Variants in WRNIP1 observed in about 807,000 individuals in gnomAD.
WRNIP1 encodes ATPase WRNIP1.
A neutral mutation model predicts 56.1 loss-of-function variants in WRNIP1; 41 were observed. That is an observed-to-expected ratio of 0.73 (90% confidence interval 0.57 to 0.95). WRNIP1 has a LOEUF of 0.95. WRNIP1 is among the 40% of genes least tolerant of loss of function. The pLI is 0.00. For synonymous variants in WRNIP1, 547 were observed against 398.1 expected (o/e 1.37, Z -4.45); for missense variants, 1,170 against 939.4 (o/e 1.25, Z -3.21).
In WRNIP1 at chr6:2,765,541, G is replaced by A; in HGVS notation, c.-82G>A. Reference sequence around the variant, plus strand: ...CCGAGCGAGGGTCTCGCGGCGCGGGGCCTAGCGGAGGGCATCGAAGGCCTC... The same window carrying A: ...CCGAGCGAGGGTCTCGCGGCGCGGGACCTAGCGGAGGGCATCGAAGGCCTC... On this transcript the variant is annotated 5_prime_UTR_variant, in exon 1 of 7. Coordinates refer to ENST00000380773, the MANE Select transcript of WRNIP1 (RefSeq NM_020135.3). 3.0e-6 allele frequency: 4 copies of A among 1,349,262 alleles called. No individual in the cohort carries two copies. The highest frequency in any genetic ancestry group is 2.8e-6 in the Non-Finnish European group (3 of 1,058,310). The allele number at this position is 1,349,262 out of a possible 1,614,324, so 83.6% of individuals were successfully genotyped here. A position where few individuals can be genotyped will look rare whatever the true frequency, so the allele number is the denominator to read the frequency against.
chr6:2,765,923 G>A lies in WRNIP1; in HGVS notation c.301G>A (p.Asp101Asn), dbSNP rs1397279806. Residue 101 changes from aspartate (D) to asparagine (N), a missense_variant, in exon 1 of 7, where the codon GAC (aspartate) becomes AAC (asparagine). By Grantham distance (23) the Asp-to-Asn change is conservative. Coordinates refer to ENST00000380773, the MANE Select transcript of WRNIP1 (RefSeq NM_020135.3). ...CGAGGGCGAGGGTGAGGAGGGCGACGACGGCGGCGAGACCGAGAGCCGCGA... is the reference window on the plus strand; with the variant it reads ...CGAGGGCGAGGGTGAGGAGGGCGACAACGGCGGCGAGACCGAGAGCCGCGA... ...SSEGEGEEGD[D>N]GGETESRESY... 1.7e-5 allele frequency: 25 copies of A among 1,452,724 alleles called. No individual in the cohort carries two copies. The highest frequency in any genetic ancestry group is 2.3e-5 in the Non-Finnish European group (25 of 1,103,944). The allele number at this position is 1,452,724 out of a possible 1,614,324, so 90.0% of individuals were successfully genotyped here.
chr6:2,781,566 G>T (rs17135709), intron 4 of WRNIP1, among the ~76,000 whole-genome samples: 19,624 of 152,162 alleles, frequency 0.13, 1,594 homozygotes, highest in East Asian at 0.32. Context: ...GATTATTTTT[G>T]TATATGCCAC....
At chr6:2,780,063 G>A (rs1210672538) in intron 4 of WRNIP1, among the ~76,000 whole-genome samples, 1 of 152,194 alleles carries the variant, frequency 6.6e-6, no homozygotes, top group Non-Finnish European at 1.5e-5. Context: ...TTTGATACCA[G>A]CTCTTATTAA....
At chr6:2,781,264 G>C in intron 4 of WRNIP1, among the ~76,000 whole-genome samples, 1 of 152,186 alleles carries the variant, frequency 6.6e-6, no homozygotes, top group East Asian at 1.9e-4. Context: ...TTGGAGCTGG[G>C]GGGTGGTGGA....
chr6:2,773,521 G>T (rs3757086), intron 3 of WRNIP1: 1 of 985,080 alleles, frequency 1.0e-6, no homozygotes, highest in African/African-American at 1.7e-5. Context: ...TGGCTAAGCA[G>T]TAGTGTTCAG....
intron 1 of WRNIP1, 139 bp downstream of exon 1, chr6:2,766,583 TGG>T: frequency 7.3e-7 from 1 of 1,372,482 alleles, no homozygotes; most frequent in Non-Finnish European, 9.5e-7. Flanking sequence ...TGGGCTGGGC[TGG>T]GGCAGTGCCT....
intron 1 of WRNIP1, 85 bp from the exon 2 acceptor site, chr6:2,768,606 G>A (rs1765133921): frequency 6.7e-6 from 8 of 1,200,058 alleles, no homozygotes; most frequent in Non-Finnish European, 9.1e-6. Flanking sequence ...GGTAAATAGT[G>A]ATGCTGCGTG....
At chr6:2,778,446 C>CTGA (rs1206939662) in intron 3 of WRNIP1, among the ~76,000 whole-genome samples, 5 of 152,210 alleles carry the variant, frequency 3.3e-5, no homozygotes, top group Non-Finnish European at 5.9e-5. Flanking sequence ...AGTCAGCCTT[C>CTGA]TGATCATAGT....
chr6:2,775,540 C>A (rs1765411646), intron 3 of WRNIP1, among the ~76,000 whole-genome samples: 1 of 152,196 alleles, frequency 6.6e-6, no homozygotes, highest in Non-Finnish European at 1.5e-5. Context: ...CATATTCTTT[C>A]ATTCTGCCTT....
chr6:2,778,598 T>A (rs1481714725), intron 3 of WRNIP1, among the ~76,000 whole-genome samples: 2 of 152,206 alleles, frequency 1.3e-5, no homozygotes, highest in Non-Finnish European at 2.9e-5. Context: ...GCTAATGACC[T>A]CTCTGCTACC....
intron 3 of WRNIP1, 137 bp downstream of exon 3, chr6:2,770,498 A>G (rs959410275): frequency 2.3e-6 from 3 of 1,291,196 alleles, no homozygotes; most frequent in Non-Finnish European, 3.1e-6. Flanking sequence ...TAATGAAAAT[A>G]AAAGAGGAGG....
chr6:2,784,942 A>G (rs562461281), intron 6 of WRNIP1, 65 bp from the exon 7 acceptor site: 3 of 1,580,402 alleles, frequency 1.9e-6, no homozygotes. Flanking sequence ...GTGTATCAGA[A>G]GGGGCTCTGC....
rs1432857517 is a variant in WRNIP1, at chr6:2,765,918, G to C, written c.296G>C (p.Gly99Ala). The C allele has an allele frequency of 6.9e-7, 1 of 1,454,164 alleles. No individual in the cohort carries two copies. The highest frequency in any genetic ancestry group is 1.3e-5 in the South Asian group (1 of 75,768). 90.1% of individuals were successfully genotyped at this position (1,454,164 alleles called of 1,614,324 possible). The stretch of plus-strand genomic sequence containing the variant: ...AGCAGCGAGGGCGAGGGTGAGGAGG[G>C]CGACGACGGCGGCGAGACCGAGAGC... ...AESSEGEGEE[G>A]DDGGETESRE... The change falls in exon 1 of 7, where the codon GGC becomes GCC. Residue 99 changes from glycine (G) to alanine (A), a missense_variant. Transcript: ENST00000380773.
rs1765506662 is a variant in WRNIP1 at position 2,779,419 on chromosome 6, C to T, written c.1413C>T (p.Pro471=). The stretch of plus-strand genomic sequence containing the variant: ...AGAAGAGTGGGCAATCCTATTCTCC[C>T]AGTAGAGTTCTGATCACAGAGAATG... The part of the protein sequence containing the change: ...FCKKSGQSYS[P]SRVLITENDV... Residue 471 remains proline (P), a synonymous_variant, in exon 4 of 7, where the codon CCC becomes CCT. Transcript: ENST00000380773. 6.2e-7 allele frequency: 1 copy of T among 1,614,182 alleles called. No homozygotes were observed. The highest frequency in any genetic ancestry group is 8.5e-7 in the Non-Finnish European group (1 of 1,180,032).
Position 2,785,417 on chromosome 6 carries a change from C to A in WRNIP1, c.*135C>A. The A allele has an allele frequency of 1.0e-6, 1 of 994,552 alleles. No individual in the cohort carries two copies. Among genetic ancestry groups the A allele is most frequent in the Non-Finnish European group, 1.5e-6 (1 of 687,406 alleles). The allele number at this position is 994,552 out of a possible 1,614,324, so 61.6% of individuals were successfully genotyped here. A position where few individuals can be genotyped will look rare whatever the true frequency, so the allele number is the denominator to read the frequency against. ...TTTTGTGCCAGAAATTTAAGAGTTC[C>A]ATAGGTGGAGGCGCAGTTCTTTCGA... is the stretch of plus-strand genomic sequence containing the variant. On this transcript the variant is annotated 3_prime_UTR_variant, in exon 7 of 7. Coordinates refer to ENST00000380773, the MANE Select transcript of WRNIP1 (RefSeq NM_020135.3).
chr6:2,774,372 A>G, intron 3 of WRNIP1: 1 of 777,218 alleles, frequency 1.3e-6, no homozygotes, highest in Non-Finnish European at 1.6e-6. Flanking sequence ...GAATCAAGGT[A>G]TCAACAAGGC....
At chr6:2,769,983 G>C in intron 2 of WRNIP1, 137 bp from the exon 3 acceptor site, 1 of 1,261,564 alleles carries the variant, frequency 7.9e-7, no homozygotes. Flanking sequence ...TATATTCAGT[G>C]AATATAAGGC....
At chr6:2,772,190 C>T (rs1472004570) in intron 3 of WRNIP1, among the ~76,000 whole-genome samples, 1 of 152,142 alleles carries the variant, frequency 6.6e-6, no homozygotes, top group Non-Finnish European at 1.5e-5. Flanking sequence ...TTTGCAGGCA[C>T]ATTAAAGTTT....
chr6:2,774,072 A>C, intron 3 of WRNIP1: 1 of 985,476 alleles, frequency 1.0e-6, no homozygotes, highest in Non-Finnish European at 1.2e-6. Flanking sequence ...GAATAGAAAG[A>C]AAGGTAGTGG....
Sources: allele counts gnomAD v4.1 joint callset (sites outside exome capture counted in the v4.1 genomes callset), GRCh38; gene constraint gnomAD v4.1.1; transcripts MANE v1.5; gene names NCBI Gene and HGNC (gene_info 2026-07-23, HGNC 2026-07-21).